PCSK2: variants seen among roughly 807,000 people sequenced by gnomAD.
PCSK2 encodes the protein neuroendocrine convertase 2.
A neutral mutation model predicts 69.7 loss-of-function variants in PCSK2; 14 were observed. The observed-to-expected ratio is 0.20, with a 90% CI of 0.13 to 0.31. The LOEUF is 0.31. PCSK2 is among the 10% of genes least tolerant of loss of function. The pLI is 1.00. For synonymous variants in PCSK2, 307 were observed against 320.7 expected, an observed-to-expected ratio of 0.96 and a Z score of 0.46; for missense variants, 544 against 842.5, an observed-to-expected ratio of 0.65 and a Z score of 4.39.
chr20:17,397,395 G>A (rs1452838766), intron 5 of PCSK2, among the ~76,000 whole-genome samples: 3 of 152,026 alleles, frequency 2.0e-5, no homozygotes, highest in Non-Finnish European at 4.4e-5. Flanking sequence ...TTAATAGCAG[G>A]AAACCCTCCA....
intron 9 of PCSK2, among the ~76,000 whole-genome samples, chr20:17,455,126 C>A (rs963321801): frequency 2.6e-5 from 4 of 152,088 alleles, no homozygotes; most frequent in South Asian, 2.1e-4. Flanking sequence ...AAGCTCCACT[C>A]CCTACCCCAA....
At position 17,248,190 on chromosome 20, in the gene PCSK2, G is replaced by GTA. The variant is rs1321187871; in HGVS notation, c.178-12049_178-12048insAT. Among the ~76,000 whole-genome samples, 23 of 150,678 alleles carry GTA rather than the reference G, an allele frequency of 1.5e-4. 1 individual carries two copies. Among genetic ancestry groups the GTA allele is most frequent in the Admixed American group, 5.3e-4 (8 of 15,120 alleles). ...TATAAAAAAGGGTGTGTGTGTGTGT[G>GTA]TGTGTGTGTGTGTGTGTGTGTGTGT... On this transcript the variant is annotated intron_variant, in intron 1 of 11. Transcript: ENST00000262545.
chr20:17,256,500 A>C (rs1987181770), intron 1 of PCSK2, among the ~76,000 whole-genome samples: 1 of 152,098 alleles, frequency 6.6e-6, no homozygotes, highest in South Asian at 2.1e-4. Context: ...TGACATTTTA[A>C]ATACTGTAAT....
intron 8 of PCSK2, among the ~76,000 whole-genome samples, 185 bp downstream of exon 8, chr20:17,437,068 G>A (rs1401315226): frequency 2.0e-5 from 3 of 152,114 alleles, no homozygotes; most frequent in Non-Finnish European, 4.4e-5. Context: ...TGGATAAGGA[G>A]AGAGGGCAGA....
At chr20:17,303,542 A>ATAATATAAT (rs1555786569) in intron 2 of PCSK2, among the ~76,000 whole-genome samples, 1 of 43,678 alleles carries the variant, frequency 2.3e-5, no homozygotes, top group Non-Finnish European at 4.4e-5. Flanking sequence ...TATTATATAT[A>ATAATATAAT]ATATGATATA....
intron 1 of PCSK2, among the ~76,000 whole-genome samples, chr20:17,233,576 C>T (rs2122934506): frequency 6.6e-6 from 1 of 152,268 alleles, no homozygotes; most frequent in East Asian, 1.9e-4. Flanking sequence ...CTGGATTCCT[C>T]AGGAAATCTG....
chr20:17,395,624 G>A (rs994010501), intron 5 of PCSK2, among the ~76,000 whole-genome samples: 2 of 152,148 alleles, frequency 1.3e-5, no homozygotes, highest in African/African-American at 4.8e-5. Flanking sequence ...CAAAACTGCT[G>A]TGGGGCTCAC....
At chr20:17,259,317 AT>A (rs1329562751) in intron 1 of PCSK2, among the ~76,000 whole-genome samples, 2 of 152,234 alleles carry the variant, frequency 1.3e-5, no homozygotes, top group Non-Finnish European at 2.9e-5. Flanking sequence ...ATTCAATTAA[AT>A]TAATTAATCA....
At chr20:17,386,539 A>G (rs995151342) in intron 5 of PCSK2, among the ~76,000 whole-genome samples, 4 of 152,188 alleles carry the variant, frequency 2.6e-5, no homozygotes, top group African/African-American at 4.8e-5. Context: ...AGCTAGTCAT[A>G]AAAAGACAAA....
rs927030359 is a variant in PCSK2 at position 17,399,089 on chromosome 20, A to G, written c.544-10174A>G. 3.9e-5 allele frequency among the ~76,000 whole-genome samples: 6 copies of G among 152,374 alleles called. No homozygotes were observed. The East Asian group carries it at 7.7e-4, about 20-fold the overall frequency. Reference sequence around the variant, plus strand: ...TTGGCTGAATGCATGAATGAATGGAAATGTTTGAAGTCAACAGTCTATGGA... The same window carrying G: ...TTGGCTGAATGCATGAATGAATGGAGATGTTTGAAGTCAACAGTCTATGGA... On this transcript the variant is annotated intron_variant, in intron 5 of 11. Transcript: ENST00000262545.
intron 2 of PCSK2, among the ~76,000 whole-genome samples, chr20:17,348,460 C>G (rs1269524135): frequency 6.6e-6 from 1 of 152,178 alleles, no homozygotes; most frequent in Non-Finnish European, 1.5e-5. Context: ...CTTATATGCA[C>G]CATCACTTTT....
chr20:17,336,940 CTG>C (rs1171126541), intron 2 of PCSK2, among the ~76,000 whole-genome samples: 1 of 152,152 alleles, frequency 6.6e-6, no homozygotes, highest in Non-Finnish European at 1.5e-5. Flanking sequence ...CTGTCTTAGT[CTG>C]TGTCAGAGAT....
chr20:17,233,422 G>A (rs73258009), intron 1 of PCSK2, among the ~76,000 whole-genome samples: 4,208 of 152,236 alleles, frequency 0.028, 181 homozygotes, highest in African/African-American at 0.094. Context: ...ACTTGTGAGG[G>A]AGTGACAACT....
intron 1 of PCSK2, among the ~76,000 whole-genome samples, chr20:17,239,415 C>T (rs904284710): frequency 4.1e-5 from 6 of 146,082 alleles, no homozygotes; most frequent in Non-Finnish European, 7.5e-5. Context: ...GGAAACAAGC[C>T]ATTTGTGATC....
At chr20:17,266,923 A>G (rs1407493266) in intron 2 of PCSK2, among the ~76,000 whole-genome samples, 4 of 152,162 alleles carry the variant, frequency 2.6e-5, no homozygotes, top group African/African-American at 9.7e-5. Flanking sequence ...AGCTGGAGGA[A>G]ATGTGTGAGG....
chr20:17,398,053 G>A (rs534770673), intron 5 of PCSK2, among the ~76,000 whole-genome samples: 1 of 152,320 alleles, frequency 6.6e-6, no homozygotes, highest in African/African-American at 2.4e-5. Context: ...GAAAGGCAAT[G>A]TCTGAATGTA....
At chr20:17,362,582 C>A (rs748047821) in intron 4 of PCSK2, among the ~76,000 whole-genome samples, 2 of 152,150 alleles carry the variant, frequency 1.3e-5, no homozygotes, top group Non-Finnish European at 2.9e-5. Flanking sequence ...TCACATGAGG[C>A]CTCCAGCAAG....
chr20:17,358,284 G>A (rs752453094), intron 2 of PCSK2, 43 bp from the exon 3 acceptor site: 4 of 1,116,086 alleles, frequency 3.6e-6, no homozygotes, highest in South Asian at 1.2e-5. Flanking sequence ...AAGACAGAAT[G>A]TTCAGATTAT....
intron 2 of PCSK2, among the ~76,000 whole-genome samples, chr20:17,336,590 A>G (rs1330553144): frequency 6.6e-6 from 1 of 152,244 alleles, no homozygotes; most frequent in African/African-American, 2.4e-5. Context: ...GTGAGGAGCA[A>G]CAATGGCAGT....
Sources: gnomAD v4.1 joint callset for allele counts (sites outside exome capture counted in the v4.1 genomes callset) on GRCh38, gnomAD v4.1.1 for gene constraint, MANE v1.5 for transcripts, NCBI Gene and HGNC (gene_info 2026-07-23, HGNC 2026-07-21) for gene names.